LRMDA: variants seen among roughly 807,000 people sequenced by gnomAD.
LRMDA encodes the protein leucine rich melanocyte differentiation associated.
In LRMDA, 18 loss-of-function variants were observed where a neutral mutation model predicts 29.8. That is an observed-to-expected ratio of 0.60 (90% CI 0.42 to 0.90). The LOEUF (loss-of-function observed/expected upper bound fraction) is 0.90. LRMDA is among the 40% of genes least tolerant of loss of function. LRMDA has a pLI of 0.00. For missense variants in LRMDA, 273 were observed against 273.9 expected (o/e 1.00, Z 0.02); for synonymous variants, 125 against 109.4 (o/e 1.14, Z -0.89).
chr10:76,158,987 G>A (rs1850593833), intron 5 of LRMDA, among the ~76,000 whole-genome samples: 1 of 152,028 alleles, frequency 6.6e-6, no homozygotes, highest in Admixed American at 6.6e-5. Context: ...AGGTTAAATG[G>A]ATCAAAAGGA....
intron 5 of LRMDA, among the ~76,000 whole-genome samples, chr10:76,254,064 A>T (rs1022286998): frequency 6.6e-6 from 1 of 152,048 alleles, no homozygotes; most frequent in Non-Finnish European, 1.5e-5. Flanking sequence ...TCCTTTGAGC[A>T]TGGTTTTCAT....
intron 2 of LRMDA, among the ~76,000 whole-genome samples, chr10:75,937,218 T>C (rs1846311226): frequency 6.6e-6 from 1 of 152,214 alleles, no homozygotes. Flanking sequence ...AGATAAATAT[T>C]TTTAAAATCT....
At chr10:76,165,839 C>T (rs867097566) in intron 5 of LRMDA, among the ~76,000 whole-genome samples, 1 of 152,094 alleles carries the variant, frequency 6.6e-6, no homozygotes, top group African/African-American at 2.4e-5. Flanking sequence ...ATAGTGGGAG[C>T]TACAATTCAA....
chr10:75,577,261 G>T (rs1043838444), intron 2 of LRMDA, among the ~76,000 whole-genome samples: 2 of 151,948 alleles, frequency 1.3e-5, no homozygotes, highest in South Asian at 2.1e-4. Flanking sequence ...ATCAATAGCC[G>T]AATCAATCAA....
In LRMDA at chr10:75,545,260, G is replaced by C. The variant is rs910870057; in HGVS notation, c.131+106766G>C. Among the ~76,000 whole-genome samples the C allele has an allele frequency of 2.0e-5, 3 of 152,218 alleles. No individual in the cohort carries two copies. In the South Asian group the frequency reaches 6.2e-4, roughly 32 times the overall value. ...ATATAGAAATGAGATCTTGGTAAAA[G>C]TCCATCAATTAAGTCAGAAACTACA... is the stretch of plus-strand genomic sequence containing the variant. On this transcript the variant is annotated intron_variant, in intron 2 of 6. Coordinates refer to ENST00000611255, the MANE Select transcript of LRMDA (RefSeq NM_001305581.2).
At chr10:75,857,790 A>G (rs771004985) in intron 2 of LRMDA, among the ~76,000 whole-genome samples, 18 of 152,220 alleles carry the variant, frequency 1.2e-4, no homozygotes, top group Admixed American at 3.9e-4. Flanking sequence ...ATCCTGGGGT[A>G]AAATGACCGC....
chr10:76,051,305 A>AATTGCC (rs1848527813), intron 4 of LRMDA, among the ~76,000 whole-genome samples: 1 of 152,256 alleles, frequency 6.6e-6, no homozygotes. Context: ...CCCACAGAGT[A>AATTGCC]ATTGCCGGTT....
intron 2 of LRMDA, among the ~76,000 whole-genome samples, chr10:75,872,925 C>G: frequency 6.6e-6 from 1 of 152,134 alleles, no homozygotes; most frequent in Non-Finnish European, 1.5e-5. Flanking sequence ...CAGGGCAAGG[C>G]TGGTTATGTC....
chr10:76,046,848 C>A, intron 3 of LRMDA, among the ~76,000 whole-genome samples: 1 of 152,292 alleles, frequency 6.6e-6, no homozygotes, highest in Admixed American at 6.5e-5. Context: ...ATATTTTACT[C>A]TATGGAATCT....
intron 5 of LRMDA, among the ~76,000 whole-genome samples, chr10:76,098,721 T>C (rs1172029124): frequency 6.6e-6 from 1 of 152,174 alleles, no homozygotes; most frequent in Non-Finnish European, 1.5e-5. Flanking sequence ...AGATGGGCAA[T>C]TGCAATACAG....
intron 6 of LRMDA, among the ~76,000 whole-genome samples, chr10:76,421,450 A>G (rs1373906193): frequency 6.6e-6 from 1 of 152,144 alleles, no homozygotes; most frequent in East Asian, 1.9e-4. Flanking sequence ...TTACTTTGAA[A>G]TCCATTATGA....
At chr10:76,187,828 C>T (rs1352318679) in intron 5 of LRMDA, among the ~76,000 whole-genome samples, 3 of 152,076 alleles carry the variant, frequency 2.0e-5, no homozygotes, top group South Asian at 2.1e-4. Context: ...TTGAAAACCT[C>T]TTTCATTTTT....
chr10:76,407,054 A>G (rs1841909832), intron 6 of LRMDA, among the ~76,000 whole-genome samples: 1 of 152,152 alleles, frequency 6.6e-6, no homozygotes, highest in Admixed American at 6.5e-5. Flanking sequence ...GATCCAGTCC[A>G]TGCCTCAAAA....
chr10:76,180,347 G>A (rs984974190), intron 5 of LRMDA, among the ~76,000 whole-genome samples: 24 of 142,304 alleles, frequency 1.7e-4, no homozygotes, highest in African/African-American at 5.5e-4. Context: ...GTGCAATGGC[G>A]TGATCTCTGC....
intron 2 of LRMDA, among the ~76,000 whole-genome samples, chr10:75,626,962 G>A (rs1432508385): frequency 6.6e-6 from 1 of 152,202 alleles, no homozygotes; most frequent in Non-Finnish European, 1.5e-5. Flanking sequence ...ATGCTGTGCT[G>A]TCCCTTGAGC....
At chr10:76,187,048 C>T (rs1851162524) in intron 5 of LRMDA, among the ~76,000 whole-genome samples, 1 of 152,130 alleles carries the variant, frequency 6.6e-6, no homozygotes, top group Non-Finnish European at 1.5e-5. Context: ...TTCTTCACTA[C>T]TCCCAGCCTC....
At chr10:75,656,753 G>T (rs1841680558) in intron 2 of LRMDA, among the ~76,000 whole-genome samples, 1 of 152,158 alleles carries the variant, frequency 6.6e-6, no homozygotes, top group Admixed American at 6.5e-5. Flanking sequence ...AATCCTAAAT[G>T]ATATTTCATG....
chr10:75,686,792 G>A (rs537228548), intron 2 of LRMDA, among the ~76,000 whole-genome samples: 1 of 152,268 alleles, frequency 6.6e-6, no homozygotes, highest in East Asian at 1.9e-4. Context: ...TTGAAGGTTT[G>A]TCGCAACCCT....
intron 2 of LRMDA, among the ~76,000 whole-genome samples, chr10:75,495,784 G>T (rs1354534570): frequency 6.6e-6 from 1 of 152,232 alleles, no homozygotes; most frequent in Non-Finnish European, 1.5e-5. Context: ...GATAGAAGAT[G>T]AAGGCAATGC....
Sources: gnomAD v4.1 joint callset for allele counts (sites outside exome capture counted in the v4.1 genomes callset) on GRCh38, gnomAD v4.1.1 for gene constraint, MANE v1.5 for transcripts, NCBI Gene and HGNC (gene_info 2026-07-23, HGNC 2026-07-21) for gene names.